MYO1D: variants seen among roughly 807,000 people sequenced by gnomAD.
MYO1D encodes the protein unconventional myosin-Id.
MYO1D carries 83 observed loss-of-function variants against 122.0 expected under a neutral mutation model. The ratio of observed to expected loss-of-function variants is 0.68; its 90% confidence interval spans 0.57 to 0.82. MYO1D has a LOEUF of 0.82. MYO1D is among the 40% of genes least tolerant of loss of function. The pLI is 0.00. For missense variants in MYO1D, 1,157 were observed against 1,269.5 expected (o/e 0.91, Z 1.35); for synonymous variants, 464 against 446.9 (o/e 1.04, Z -0.48).
At chr17:32,822,759 G>GCC (rs1172927527) in intron 1 of MYO1D, among the ~76,000 whole-genome samples, 44 of 151,530 alleles carry the variant, frequency 2.9e-4, no homozygotes, top group African/African-American at 7.5e-4. Flanking sequence ...AGGCGGCGAG[G>GCC]CCCGGGGCGT....
chr17:32,803,541 T>C (rs577568565), intron 1 of MYO1D, among the ~76,000 whole-genome samples: 98 of 152,280 alleles, frequency 6.4e-4, no homozygotes, highest in African/African-American at 2.2e-3. Context: ...AATCATGAAA[T>C]TGGTTTGGGA....
chr17:32,587,301 C>G (rs991873973), intron 21 of MYO1D, among the ~76,000 whole-genome samples: 1 of 152,154 alleles, frequency 6.6e-6, no homozygotes, highest in South Asian at 2.1e-4. Context: ...CACTTGAGGT[C>G]AGGGGTTTGA....
intron 21 of MYO1D, among the ~76,000 whole-genome samples, chr17:32,593,005 C>T (rs1221636412): frequency 1.3e-5 from 2 of 152,158 alleles, no homozygotes; most frequent in African/African-American, 2.4e-5. Flanking sequence ...CCAAAACATG[C>T]TCTTCCTCAG....
At chr17:32,688,561 G>A (rs1462081138) in intron 16 of MYO1D, among the ~76,000 whole-genome samples, 2 of 152,192 alleles carry the variant, frequency 1.3e-5, no homozygotes, top group Admixed American at 6.5e-5. Context: ...GAAGAACACT[G>A]TAAGCAAGGC....
intron 21 of MYO1D, chr17:32,496,222 C>G (rs1205545538): frequency 1.3e-5 from 2 of 152,278 alleles, no homozygotes; most frequent in Non-Finnish European, 2.9e-5. Context: ...CACTAGAGCA[C>G]CTGGCCCAGC....
chr17:32,689,821 C>T (rs1184962114), intron 16 of MYO1D, among the ~76,000 whole-genome samples: 1 of 151,910 alleles, frequency 6.6e-6, no homozygotes, highest in East Asian at 1.9e-4. Flanking sequence ...TGGGTTCAAG[C>T]AATTCTCCTG....
intron 15 of MYO1D, among the ~76,000 whole-genome samples, chr17:32,715,061 T>C (rs190152309): frequency 1.7e-3 from 259 of 151,610 alleles, no homozygotes; most frequent in Non-Finnish European, 2.9e-3. Flanking sequence ...ATATGAAAAA[T>C]AGCTCAACAT....
chr17:32,638,577 T>C (rs555191485), intron 20 of MYO1D, 145 bp downstream of exon 20: 1 of 523,688 alleles, frequency 1.9e-6, no homozygotes, highest in East Asian at 2.9e-5. Flanking sequence ...TGTACATTTC[T>C]ACAAAACATA....
At chr17:32,779,895 C>T (rs1348434459) in intron 2 of MYO1D, among the ~76,000 whole-genome samples, 1 of 152,182 alleles carries the variant, frequency 6.6e-6, no homozygotes, top group Admixed American at 6.5e-5. Context: ...CATAAAACCA[C>T]CAGTGCAAAT....
intron 19 of MYO1D, 46 bp downstream of exon 19, chr17:32,653,797 A>C: frequency 2.0e-6 from 3 of 1,514,662 alleles, no homozygotes; most frequent in Non-Finnish European, 2.7e-6. Context: ...GTTTCATCTG[A>C]ATCAGTCTTT....
chr17:32,566,748 G>A (rs953679243), intron 21 of MYO1D, among the ~76,000 whole-genome samples: 4 of 149,362 alleles, frequency 2.7e-5, no homozygotes, highest in Non-Finnish European at 5.9e-5. Flanking sequence ...AACTTAATTA[G>A]TTATCTGTTT....
intron 21 of MYO1D, among the ~76,000 whole-genome samples, chr17:32,580,289 ATTTTTTTTTTTTTTTTTTTTT>A (rs71144843): frequency 0.031 from 1,222 of 39,230 alleles, 45 homozygotes; most frequent in South Asian, 0.042. Context: ...TGCTAAGAGG[ATTTTTTTTTTTTTTTTTTTTT>A]TTTTTTTTTT....
intron 1 of MYO1D, among the ~76,000 whole-genome samples, chr17:32,863,235 C>T (rs1309685910): frequency 6.6e-6 from 1 of 152,204 alleles, no homozygotes; most frequent in African/African-American, 2.4e-5. Flanking sequence ...ATACCAAGGG[C>T]AGTAATATGT....
intron 14 of MYO1D, among the ~76,000 whole-genome samples, chr17:32,736,254 A>G (rs2089699789): frequency 6.6e-6 from 1 of 152,184 alleles, no homozygotes; most frequent in South Asian, 2.1e-4. Context: ...TATGTCCAGT[A>G]TCTTTTTCTT....
At chr17:32,685,831 A>T (rs1347820816) in intron 16 of MYO1D, among the ~76,000 whole-genome samples, 1 of 152,248 alleles carries the variant, frequency 6.6e-6, no homozygotes, top group Non-Finnish European at 1.5e-5. Context: ...CGGTTACATT[A>T]TAGTTGAGCA....
chr17:32,511,127 C>A (rs1260279756), intron 21 of MYO1D, among the ~76,000 whole-genome samples: 1 of 152,056 alleles, frequency 6.6e-6, no homozygotes, highest in Non-Finnish European at 1.5e-5. Flanking sequence ...GAGACCCTCC[C>A]ACATCAATCA....
intron 6 of MYO1D, among the ~76,000 whole-genome samples, chr17:32,769,779 T>C (rs1377879197): frequency 6.6e-6 from 1 of 151,902 alleles, no homozygotes; most frequent in Non-Finnish European, 1.5e-5. Flanking sequence ...TAGTTCTTTG[T>C]TTTCTTAGGA....
chr17:32,638,277 C>A (rs1597959688), intron 20 of MYO1D, among the ~76,000 whole-genome samples: 1 of 152,246 alleles, frequency 6.6e-6, no homozygotes, highest in East Asian at 1.9e-4. Flanking sequence ...CCAAAGATCA[C>A]ACAATCAACA....
At chr17:32,536,868 G>A (rs1910680168) in intron 21 of MYO1D, among the ~76,000 whole-genome samples, 1 of 152,130 alleles carries the variant, frequency 6.6e-6, no homozygotes, top group African/African-American at 2.4e-5. Context: ...AAAGTTCCAT[G>A]AATTGCATCC....
Sources: gnomAD v4.1 joint callset for allele counts (sites outside exome capture counted in the v4.1 genomes callset) on GRCh38, gnomAD v4.1.1 for gene constraint, MANE v1.5 for transcripts, NCBI Gene and HGNC (gene_info 2026-07-23, HGNC 2026-07-21) for gene names.